The following OXA1L variants were observed in gnomAD, a reference collection of about 807,000 sequenced individuals.
OXA1L encodes the protein mitochondrial inner membrane protein OXA1L.
Under a neutral mutation model 52.2 loss-of-function variants are expected in OXA1L, and 42 were observed. The observed-to-expected ratio is 0.80, with a 90% CI of 0.63 to 1.04. The LOEUF (loss-of-function observed/expected upper bound fraction) is 1.04, where lower values mean the gene tolerates loss of function less well. Ranked by LOEUF, OXA1L falls within the 50% of genes least tolerant of loss-of-function variation. The pLI, the probability that OXA1L is intolerant of heterozygous loss-of-function variation, is 0.00. For missense variants in OXA1L, 572 were observed against 555.0 expected (o/e 1.03, Z -0.31); for synonymous variants, 239 against 201.9 (o/e 1.18, Z -1.56).
Position 22,766,769 on chromosome 14 carries a change from G to C in OXA1L, c.63+5G>C. The C allele has an allele frequency of 6.2e-7, 1 of 1,614,126 alleles. No individual in the cohort carries two copies. The highest frequency in any genetic ancestry group is 8.5e-7 in the Non-Finnish European group (1 of 1,180,030). On this transcript the variant is annotated splice_donor_5th_base_variant and intron_variant, in intron 1 of 9. Transcript: ENST00000612549. ...TTGCTACAGTCCGGGCGTCGGGTAA[G>C]GATGCCCCGGGGCAGAGCACCGGGA...
At chr14:22,770,117 C>G in intron 4 of OXA1L, 76 bp from the exon 5 acceptor site, 3 of 1,328,834 alleles carry the variant, frequency 2.3e-6, no homozygotes, top group South Asian at 2.4e-5. Flanking sequence ...ATTTCACAGG[C>G]CAGGTAGATA....
chr14:22,766,901 G>C (rs1256594980), intron 1 of OXA1L, 137 bp downstream of exon 1: 1 of 1,527,178 alleles, frequency 6.5e-7, no homozygotes, highest in Admixed American at 2.1e-5. Context: ...CGGGTCATGT[G>C]AGGACGCGCT....
Position 22,770,477 on chromosome 14 carries a change from C to T in OXA1L, c.686C>T (p.Ser229Phe). 6.2e-7 allele frequency: 1 copy of T among 1,613,764 alleles called. No individual in the cohort carries two copies. Among genetic ancestry groups the T allele is most frequent in the South Asian group, 1.1e-5 (1 of 91,074 alleles). ...LPVTQAPIFI[S>F]FFIALREMAN... ...GTGTAATAGGCCCCAATCTTCATCT[C>T]CTTCTTCATTGCTTTGAGAGAGATG... The change falls in exon 6 of 10, where the codon TCC becomes TTC. Residue 229 changes from serine to phenylalanine, a missense_variant. Around this residue, in one of 5 missense-constraint regions of OXA1L, gnomAD observed 132 missense variants for 124.0 expected, o/e 1.06. Transcript: ENST00000612549.
rs2038454075 is a variant in OXA1L at position 22,771,011 on chromosome 14, C to T, written c.940-7C>T. The T allele has an allele frequency of 6.2e-7, 1 of 1,614,054 alleles. No homozygotes were observed. The highest frequency in any genetic ancestry group is 1.3e-5 in the African/African-American group (1 of 74,936). The stretch of plus-strand genomic sequence containing the variant: ...CTTCTGAGTCCCTTCTCTGTGTTCT[C>T]ACCCAGGCAGTGTTTATGTACTGGC... On this transcript the variant is annotated splice_region_variant and splice_polypyrimidine_tract_variant and intron_variant, in intron 7 of 9. Coordinates refer to ENST00000612549, the MANE Select transcript of OXA1L (RefSeq NM_005015.5).
intron 3 of OXA1L, chr14:22,768,569 C>A (rs1161248959): frequency 4.8e-6 from 1 of 209,240 alleles, no homozygotes; most frequent in Non-Finnish European, 1.0e-5. Flanking sequence ...CACGTTGCTC[C>A]ATCAATTATC....
rs758082221 is a variant in OXA1L, at chr14:22,771,464, C to T, written c.1214C>T (p.Pro405Leu). The T allele has an allele frequency of 4.3e-6, 7 of 1,614,064 alleles. No homozygotes were observed. In the Admixed American group the frequency reaches 6.7e-5, roughly 15 times the overall value. ...GPLRQTFTHN[P>L]LLQPGKDNPP... ...TTACGACAGACCTTTACCCACAACC[C>T]TCTCCTACAACCTGGAAAGGATAAC... Residue 405 changes from proline (P) to leucine (L), a missense_variant, in exon 10 of 10, where the codon CCT becomes CTT. Physicochemically the swap from Pro to Leu is moderately conservative, Grantham distance 98. This residue lies in a region of OXA1L where 244 missense variants were observed against 240.2 expected (regional missense o/e 1.02). Transcript: ENST00000612549.
In OXA1L at chr14:22,772,419, G is replaced by A. The variant is rs2038483062; in HGVS notation, c.*861G>A. The A allele has an allele frequency of 6.9e-6, 1 of 144,890 alleles. No individual in the cohort carries two copies. Among genetic ancestry groups the A allele is most frequent in the Non-Finnish European group, 1.5e-5 (1 of 67,096 alleles). 9.0% of individuals were successfully genotyped at this position (144,890 alleles called of 1,614,324 possible). ...CAGGAGAATGGCGTGAACCCAGGAGGCAGAGCTTGCAGTGAGCCGAGATTG... is the reference window on the plus strand; with the variant it reads ...CAGGAGAATGGCGTGAACCCAGGAGACAGAGCTTGCAGTGAGCCGAGATTG... On this transcript the variant is annotated 3_prime_UTR_variant, in exon 10 of 10. Transcript: ENST00000612549.
chr14:22,770,144 C>G (rs2038445337), intron 4 of OXA1L, 49 bp from the exon 5 acceptor site: 1 of 1,411,746 alleles, frequency 7.1e-7, no homozygotes, highest in Non-Finnish European at 1.0e-6. Flanking sequence ...ATGTTCACCT[C>G]CACTGATGTA....
At chr14:22,766,791 G>A (rs1374866711) in intron 1 of OXA1L, 27 bp downstream of exon 1, 2 of 1,613,378 alleles carry the variant, frequency 1.2e-6, no homozygotes, top group Non-Finnish European at 1.7e-6. Flanking sequence ...GCAGAGCACC[G>A]GGATGCTGCC....
At position 22,771,836 on chromosome 14, in the gene OXA1L, A is replaced by G; in HGVS notation, c.*278A>G. The stretch of plus-strand genomic sequence containing the variant: ...GGGAAATCAGTGTGCACTTCAGAAA[A>G]CTGAAGAATACCCAGCATTTTGGGA... On this transcript the variant is annotated 3_prime_UTR_variant, in exon 10 of 10. Coordinates refer to ENST00000612549, the MANE Select transcript of OXA1L (RefSeq NM_005015.5). The G allele has an allele frequency of 2.8e-6, 1 of 354,416 alleles. No individual in the cohort carries two copies. Among genetic ancestry groups the G allele is most frequent in the Non-Finnish European group, 5.2e-6 (1 of 193,470 alleles). 22.0% of individuals were successfully genotyped at this position (354,416 alleles called of 1,614,324 possible).
At chr14:22,770,951 A>G in intron 7 of OXA1L, 42 bp downstream of exon 7, 1 of 1,612,112 alleles carries the variant, frequency 6.2e-7, no homozygotes, top group Non-Finnish European at 8.5e-7. Context: ...CCTTCTGCCT[A>G]GCCTAGCCAC....
At position 22,770,776 on chromosome 14, in the gene OXA1L, C is replaced by T. The variant is rs115405523; in HGVS notation, c.835-29C>T. 2.5e-4 allele frequency: 399 copies of T among 1,603,348 alleles called. No homozygotes were observed. The African/African-American group carries it at 4.6e-3, about 18-fold the overall frequency. On this transcript the variant is annotated intron_variant, in intron 6 of 9. Coordinates refer to ENST00000612549, the MANE Select transcript of OXA1L (RefSeq NM_005015.5). ...GATTCACTGAAACTGACAGCTTTCCCGACTTTTCCACCCCACTTCTTTTGG... is the reference window on the plus strand; with the variant it reads ...GATTCACTGAAACTGACAGCTTTCCTGACTTTTCCACCCCACTTCTTTTGG...
Position 22,772,520 on chromosome 14 carries a change from C to CAA in OXA1L, c.*963_*964insAA, listed in dbSNP as rs2038489280. ...AAAAAAAAAAAAAAAAAAAAAAAAA[C>CAA]AGTTTAAACTTCCAACCCATGCATG... On this transcript the variant is annotated 3_prime_UTR_variant, in exon 10 of 10. Coordinates refer to ENST00000612549, the MANE Select transcript of OXA1L (RefSeq NM_005015.5). The CAA allele has an allele frequency of 9.0e-6, 1 of 111,618 alleles. No individual in the cohort carries two copies. Among genetic ancestry groups the CAA allele is most frequent in the African/African-American group, 3.9e-5 (1 of 25,874 alleles). The allele number at this position is 111,618 out of a possible 1,614,324, so 6.9% of individuals were successfully genotyped here.
chr14:22,771,057 C>T lies in OXA1L; in HGVS notation c.979C>T (p.Leu327=), dbSNP rs775473466. The T allele has an allele frequency of 3.7e-6, 6 of 1,614,100 alleles. No homozygotes were observed. Among genetic ancestry groups the T allele is most frequent in the South Asian group, 2.2e-5 (2 of 91,092 alleles). ...MYWLSSNLFS[L]VQVSCLRIPA... ...CTGGCTCTCCTCCAATTTGTTTTCC[C>T]TGGTCCAAGTATCCTGTCTCCGGAT... Residue 327 remains leucine (L), a synonymous_variant, in exon 8 of 10, where the codon CTG becomes TTG. Transcript: ENST00000612549.
Position 22,773,010 on chromosome 14 carries a change from T to C in OXA1L, c.*1452T>C, listed in dbSNP as rs551708404. On this transcript the variant is annotated 3_prime_UTR_variant, in exon 10 of 10. Coordinates refer to ENST00000612549, the MANE Select transcript of OXA1L (RefSeq NM_005015.5). ...GTCTCAAAAAGGAAGTTCATGTCAT[T>C]TTTATGTAACAATCCAACATTTGAC... 4 of 256,714 alleles carry C rather than the reference T, an allele frequency of 1.6e-5. No individual in the cohort carries two copies. The highest frequency in any genetic ancestry group is 2.3e-5 in the African/African-American group (1 of 44,004). The allele number at this position is 256,714 out of a possible 1,614,324, so 15.9% of individuals were successfully genotyped here.
intron 3 of OXA1L, 26 bp downstream of exon 3, chr14:22,768,197 G>T (rs1230863242): frequency 1.3e-6 from 2 of 1,576,470 alleles, no homozygotes; most frequent in South Asian, 1.1e-5. Flanking sequence ...CCTGGACATG[G>T]GTTAGGGATT....
At position 22,767,997 on chromosome 14, in the gene OXA1L, A is replaced by G. The variant is rs1303747923; in HGVS notation, c.265A>G (p.Thr89Ala). The G allele has an allele frequency of 6.2e-7, 1 of 1,613,972 alleles. No individual in the cohort carries two copies. The highest frequency in any genetic ancestry group is 1.7e-5 in the Admixed American group (1 of 60,020). The stretch of plus-strand genomic sequence containing the variant: ...TGTTGTTGCTGCAACTCCCTCACCC[A>G]CAGCAGTACCTGAGGTGGCTTCTGG... ...PPVVAATPSPTAVPEVASGET... is the reference protein window; with the variant it reads ...PPVVAATPSPAAVPEVASGET... The change falls in exon 3 of 10, where the codon ACA becomes GCA. Residue 89 changes from threonine (T) to alanine (A), a missense_variant. Transcript: ENST00000612549.
chr14:22,768,419 G>T, intron 3 of OXA1L: 1 of 510,924 alleles, frequency 2.0e-6, no homozygotes, highest in South Asian at 2.1e-5. Flanking sequence ...GTTAGAGTCA[G>T]GGGACCTTAT....
At chr14:22,766,792 G>A (rs184742544) in intron 1 of OXA1L, 28 bp downstream of exon 1, 9 of 1,613,398 alleles carry the variant, frequency 5.6e-6, no homozygotes, top group Non-Finnish European at 7.6e-6. Context: ...CAGAGCACCG[G>A]GATGCTGCCC....
Sources: gnomAD v4.1 joint callset for allele counts on GRCh38, gnomAD v4.1.1 for gene constraint, gnomAD v4.1.1 regional missense constraint, MANE v1.5 for transcripts, NCBI Gene and HGNC (gene_info 2026-07-23, HGNC 2026-07-21) for gene names.